Variants in ANOS1 observed in about 807,000 individuals in gnomAD.
The protein encoded by ANOS1 is anosmin 1.
ANOS1 carries 6 observed loss-of-function variants against 59.0 expected under a neutral mutation model. The ratio of observed to expected loss-of-function variants is 0.10; its 90% CI spans 0.06 to 0.20. The LOEUF (loss-of-function observed/expected upper bound fraction) is 0.20, where lower values mean the gene tolerates loss of function less well. ANOS1 is among the 10% of genes least tolerant of loss of function. The pLI, the probability that ANOS1 is intolerant of heterozygous loss-of-function variation, is 1.00. For synonymous variants in ANOS1, 217 were observed against 223.4 expected, an observed-to-expected ratio of 0.97 and a Z score of 0.25; for missense variants, 433 against 542.3, an observed-to-expected ratio of 0.80 and a Z score of 2.00.
At chrX:8,635,527 C>T (rs931870508) in intron 2 of ANOS1, among the ~76,000 whole-genome samples, 1 of 111,354 alleles carries the variant, frequency 9.0e-6, no homozygotes. Context: ...TGAACATTTT[C>T]CTAAAGACAC....
At chrX:8,569,538 A>T (rs1930187809) in intron 7 of ANOS1, among the ~76,000 whole-genome samples, 1 of 111,671 alleles carries the variant, frequency 9.0e-6, no homozygotes, top group African/African-American at 3.3e-5. Flanking sequence ...GCTACTCGGG[A>T]GGCTGAGGCA....
chrX:8,677,253 C>A (rs1293771985), intron 2 of ANOS1, among the ~76,000 whole-genome samples: 1 of 111,572 alleles, frequency 9.0e-6, no homozygotes, highest in Non-Finnish European at 1.9e-5. Context: ...CCACTAGATA[C>A]CAGTAGCACC....
intron 6 of ANOS1, among the ~76,000 whole-genome samples, chrX:8,575,502 G>A (rs1334817654): frequency 1.8e-5 from 2 of 111,662 alleles, no homozygotes. Context: ...CACTGAATTT[G>A]ATCATCTTCT....
At chrX:8,568,962 C>T (rs1403841233) in intron 7 of ANOS1, among the ~76,000 whole-genome samples, 1 of 111,955 alleles carries the variant, frequency 8.9e-6, no homozygotes, top group African/African-American at 3.2e-5. Flanking sequence ...TGAGACACCA[C>T]CTCTCGAAGG....
chrX:8,694,535 G>A (rs984726687), intron 2 of ANOS1, among the ~76,000 whole-genome samples: 3 of 111,842 alleles, frequency 2.7e-5, no homozygotes, highest in African/African-American at 9.7e-5. Flanking sequence ...CAGGCATGGT[G>A]GGGGGTACCT....
intron 9 of ANOS1, among the ~76,000 whole-genome samples, chrX:8,545,072 AAAAAAAAAAAAG>A (rs1569254096): frequency 1.9e-5 from 2 of 104,070 alleles, no homozygotes; most frequent in African/African-American, 7.0e-5. Flanking sequence ...AAAAAAAAAA[AAAAAAAAAAAAG>A]AAAAGAAGAG....
intron 6 of ANOS1, among the ~76,000 whole-genome samples, chrX:8,582,210 A>G (rs188362319): frequency 2.4e-3 from 276 of 112,687 alleles, no homozygotes; most frequent in African/African-American, 8.3e-3. Context: ...AATAAGAACA[A>G]AAATACAACA....
At position 8,732,086 on chromosome X, in the gene ANOS1, C is replaced by T; in HGVS notation, c.-50G>A. 1 of 851,592 alleles carries T rather than the reference C, an allele frequency of 1.2e-6. No homozygotes were observed. Among genetic ancestry groups the T allele is most frequent in the Non-Finnish European group, 1.5e-6 (1 of 685,601 alleles). The allele number at this position is 851,592 out of a possible 1,213,427, so 70.2% of individuals were successfully genotyped here. The stretch of plus-strand genomic sequence containing the variant: ...AGGGCGCCGGGCGCGGGCCGAGGCT[C>T]CCTGCTCCGCGCCGGGGCTGCACTG... On this transcript the variant is annotated 5_prime_UTR_variant, in exon 1 of 14. Coordinates refer to ENST00000262648, the MANE Select transcript of ANOS1 (RefSeq NM_000216.4).
intron 2 of ANOS1, among the ~76,000 whole-genome samples, chrX:8,694,904 T>A (rs764896143): frequency 8.9e-6 from 1 of 112,020 alleles, no homozygotes; most frequent in Non-Finnish European, 1.9e-5. Context: ...GCCAAAGGTG[T>A]ATATTTACTT....
chrX:8,594,734 ATGTG>A lies in ANOS1; in HGVS notation c.541+2296_541+2299del, dbSNP rs1205906223. On this transcript the variant is annotated intron_variant, in intron 4 of 13. Transcript: ENST00000262648. ...TACACATATATATATCTACATATAT[ATGTG>A]TATATATATATACATATATATATAT... Among the ~76,000 whole-genome samples, 12 of 80,140 alleles carry A rather than the reference ATGTG, an allele frequency of 1.5e-4. No homozygotes were observed. The South Asian group carries it at 1.8e-3, about 12-fold the overall frequency. The allele number at this position is 80,140 out of a possible 115,157, so 69.6% of individuals were successfully genotyped here.
intron 3 of ANOS1, among the ~76,000 whole-genome samples, chrX:8,601,225 T>C (rs985652420): frequency 1.7e-4 from 18 of 109,047 alleles, no homozygotes; most frequent in African/African-American, 5.7e-4. Flanking sequence ...GAAATACTTG[T>C]ATTAAATCTG....
intron 4 of ANOS1, among the ~76,000 whole-genome samples, chrX:8,589,185 T>C (rs945846841): frequency 6.2e-5 from 7 of 112,439 alleles, no homozygotes; most frequent in African/African-American, 2.3e-4. Context: ...TGGAATTGAA[T>C]AATTTTTTTA....
At chrX:8,668,430 T>TATATATATATACACAC (rs1394731479) in intron 2 of ANOS1, among the ~76,000 whole-genome samples, 2 of 80,258 alleles carry the variant, frequency 2.5e-5, no homozygotes, top group African/African-American at 9.9e-5. Context: ...TATATATATA[T>TATATATATATACACAC]ACACACACAT....
intron 2 of ANOS1, among the ~76,000 whole-genome samples, chrX:8,668,430 TACACACAC>T (rs1555900813): frequency 6.2e-5 from 5 of 80,216 alleles, no homozygotes; most frequent in Admixed American, 1.5e-4. Context: ...TATATATATA[TACACACAC>T]ATACATATAT....
chrX:8,557,516 A>G (rs1929967612), intron 8 of ANOS1, among the ~76,000 whole-genome samples: 1 of 112,575 alleles, frequency 8.9e-6, no homozygotes, highest in African/African-American at 3.2e-5. Context: ...TGGGCAAAGG[A>G]TATGAACAGA....
chrX:8,625,212 AAT>A (rs1268704179), intron 2 of ANOS1, among the ~76,000 whole-genome samples: 2 of 112,132 alleles, frequency 1.8e-5, no homozygotes, highest in African/African-American at 6.5e-5. Context: ...TGAAAAAAAA[AAT>A]GTTACATTCA....
intron 1 of ANOS1, among the ~76,000 whole-genome samples, chrX:8,721,935 ACT>A (rs749336549): frequency 1.0e-3 from 117 of 111,878 alleles, no homozygotes; most frequent in African/African-American, 3.6e-3. Flanking sequence ...CTGTTGCAAG[ACT>A]CTGTATTTAT....
At chrX:8,561,235 G>A (rs535722886) in intron 8 of ANOS1, among the ~76,000 whole-genome samples, 1 of 112,427 alleles carries the variant, frequency 8.9e-6, no homozygotes, top group African/African-American at 3.2e-5. Context: ...TCGCATTTAG[G>A]CTATTTTAGC....
intron 6 of ANOS1, among the ~76,000 whole-genome samples, chrX:8,575,573 A>G (rs976164321): frequency 9.2e-6 from 1 of 108,802 alleles, no homozygotes; most frequent in African/African-American, 3.4e-5. Context: ...AGATGTTATC[A>G]TAATAATCTA....
Sources: gnomAD v4.1 joint callset for allele counts (sites outside exome capture counted in the v4.1 genomes callset) on GRCh38, gnomAD v4.1.1 for gene constraint, MANE v1.5 for transcripts, NCBI Gene and HGNC (gene_info 2026-07-23, HGNC 2026-07-21) for gene names.